The following PHIP variants were observed in gnomAD, a reference collection of about 807,000 sequenced individuals.
PHIP encodes the protein PHIP subunit of CUL4-Ring ligase complex, also known as PH-interacting protein.
Under a neutral mutation model 236.8 loss-of-function variants are expected in PHIP, and 54 were observed. The ratio of observed to expected loss-of-function variants is 0.23; its 90% confidence interval spans 0.18 to 0.29. The LOEUF is 0.29. Among genes scored for constraint, PHIP ranks in the 10% least tolerant of loss-of-function variants. The pLI is 1.00. For synonymous variants in PHIP, 756 were observed against 718.9 expected (o/e 1.05, Z -0.83); for missense variants, 1,370 against 2,190.8 (o/e 0.63, Z 7.48).
chr6:79,069,100 GTTC>G lies in PHIP; in HGVS notation c.190-8285_190-8283del, dbSNP rs1423517207. On this transcript the variant is annotated intron_variant, in intron 4 of 39. Coordinates refer to ENST00000275034, the MANE Select transcript of PHIP (RefSeq NM_017934.7). ...TAAAAGGCCAGTTTATTGGAATATA[GTTC>G]TTATTTGTACACTACTGTAGCATAT... Among the ~76,000 whole-genome samples, 8 of 150,944 alleles carry G rather than the reference GTTC, an allele frequency of 5.3e-5. No homozygotes were observed. In the East Asian group the frequency reaches 7.7e-4, roughly 15 times the overall value.
chr6:78,950,250 A>G (rs1209775221), intron 35 of PHIP, among the ~76,000 whole-genome samples: 1 of 152,212 alleles, frequency 6.6e-6, no homozygotes, highest in Non-Finnish European at 1.5e-5. Context: ...GTCATGGTAT[A>G]AAATCATTTT....
chr6:78,969,046 T>C (rs982450813), intron 27 of PHIP, among the ~76,000 whole-genome samples: 13 of 152,194 alleles, frequency 8.5e-5, no homozygotes, highest in African/African-American at 3.1e-4. Context: ...TCTTGGTTAC[T>C]CCCTTATTTG....
At chr6:78,966,151 G>T in intron 27 of PHIP, 95 bp from the exon 28 acceptor site, 1 of 748,498 alleles carries the variant, frequency 1.3e-6, no homozygotes. Context: ...TAAACTGCCT[G>T]TATGATTTCA....
intron 24 of PHIP, among the ~76,000 whole-genome samples, chr6:78,974,592 GT>G (rs780223119): frequency 6.6e-6 from 1 of 152,050 alleles, no homozygotes; most frequent in African/African-American, 2.4e-5. Context: ...CCAGGAGCTG[GT>G]TTTTTGAAAG....
rs922709074 is a variant in PHIP, at chr6:79,059,806, C to T, written c.439+672G>A. Among the ~76,000 whole-genome samples the T allele has an allele frequency of 2.6e-5, 4 of 151,428 alleles. No homozygotes were observed. The East Asian group carries it at 7.8e-4, about 29-fold the overall frequency. ...TGAAGGTCTCTGAAAATTAGGAGTACACTTAGAGAAAGTACAACACTATTA... is the reference window on the plus strand; with the variant it reads ...TGAAGGTCTCTGAAAATTAGGAGTATACTTAGAGAAAGTACAACACTATTA... On this transcript the variant is annotated intron_variant, in intron 6 of 39. Transcript: ENST00000275034.
chr6:79,017,227 T>TG, intron 12 of PHIP, 119 bp downstream of exon 12: 2 of 594,962 alleles, frequency 3.4e-6, no homozygotes, highest in Non-Finnish European at 5.8e-6. Flanking sequence ...TAAGTATAAC[T>TG]GGTCAAGATC....
At chr6:78,999,564 T>A (rs898592955) in intron 17 of PHIP, among the ~76,000 whole-genome samples, 1 of 152,118 alleles carries the variant, frequency 6.6e-6, no homozygotes, top group Non-Finnish European at 1.5e-5. Flanking sequence ...ATATTCACTC[T>A]TGCTGAATAA....
chr6:79,062,495 T>A (rs1026050701), intron 4 of PHIP, among the ~76,000 whole-genome samples: 1 of 152,222 alleles, frequency 6.6e-6, no homozygotes, highest in Non-Finnish European at 1.5e-5. Flanking sequence ...TAATGTGACT[T>A]AATTGATCAA....
chr6:79,027,750 C>G (rs866675892), intron 7 of PHIP, among the ~76,000 whole-genome samples: 1 of 152,034 alleles, frequency 6.6e-6, no homozygotes, highest in Admixed American at 6.5e-5. Flanking sequence ...TGCAGAGGTA[C>G]GGGGTGGAAA....
chr6:79,068,595 G>A (rs1034322707), intron 4 of PHIP, among the ~76,000 whole-genome samples: 1 of 152,108 alleles, frequency 6.6e-6, no homozygotes, highest in African/African-American at 2.4e-5. Context: ...TGTATGACTG[G>A]TATCACAACA....
chr6:79,075,062 C>G (rs1774080985), intron 4 of PHIP, among the ~76,000 whole-genome samples: 1 of 152,090 alleles, frequency 6.6e-6, no homozygotes, highest in South Asian at 2.1e-4. Context: ...AAATTCAACT[C>G]GATATACAAC....
intron 15 of PHIP, among the ~76,000 whole-genome samples, chr6:79,006,566 T>C (rs1037663392): frequency 1.7e-4 from 26 of 151,908 alleles, no homozygotes; most frequent in Non-Finnish European, 8.8e-5. Context: ...GAAAAGAAAA[T>C]ACCCTCTCTC....
chr6:79,034,376 T>C (rs1368622679), intron 7 of PHIP, among the ~76,000 whole-genome samples: 3 of 152,222 alleles, frequency 2.0e-5, no homozygotes, highest in African/African-American at 7.2e-5. Flanking sequence ...GGCTTTCTAC[T>C]GTTAGGCACT....
In PHIP at chr6:78,998,265, C is replaced by T. The variant is rs767564294; in HGVS notation, c.2006G>A (p.Arg669His). Residue 669 changes from arginine (R) to histidine (H), a missense_variant, in exon 18 of 40, where the codon CGT (arginine) becomes CAT (histidine). Arg to His is a conservative substitution (Grantham distance 29, BLOSUM62 0). Transcript: ENST00000275034. Reference protein sequence around the residue: ...SGEAVISNTSRLSRGSISSTS... With the variant: ...SGEAVISNTSHLSRGSISSTS... Reference sequence around the variant, plus strand: ...GAATACCTGCTTACCTCTACTTAAACGGCTGGTATTACTGATAACTGCTTC... The same window carrying T: ...GAATACCTGCTTACCTCTACTTAAATGGCTGGTATTACTGATAACTGCTTC... 1.5e-5 allele frequency: 24 copies of T among 1,609,240 alleles called. No homozygotes were observed. The highest frequency in any genetic ancestry group is 2.2e-5 in the South Asian group (2 of 90,964).
At position 78,969,865 on chromosome 6, in the gene PHIP, C is replaced by G; in HGVS notation, c.3175G>C (p.Asp1059His). ...IDFLVLRQQF[D>H]DAKYRRWNIG... is the part of the protein sequence containing the mutation. ...TTCCATCGCCTGTATTTTGCATCATCAAATTGTTGTCTCAAGACTAGGAAA... is the reference window on the plus strand; with the variant it reads ...TTCCATCGCCTGTATTTTGCATCATGAAATTGTTGTCTCAAGACTAGGAAA... The change falls in exon 27 of 40, where the codon GAT (aspartate) becomes CAT (histidine). Residue 1059 changes from aspartate to histidine, a missense_variant. Physicochemically the swap from Asp to His is moderately conservative, Grantham distance 81. Transcript: ENST00000275034. 6 of 1,592,724 alleles carry G rather than the reference C, an allele frequency of 3.8e-6. No individual in the cohort carries two copies. The highest frequency in any genetic ancestry group is 5.2e-6 in the Non-Finnish European group (6 of 1,163,698).
intron 25 of PHIP, 136 bp from the exon 26 acceptor site, chr6:78,970,309 A>G: frequency 1.5e-6 from 1 of 669,076 alleles, no homozygotes; most frequent in Non-Finnish European, 2.5e-6. Flanking sequence ...GTAAAAATTC[A>G]CTGAGCTCTG....
chr6:79,043,085 C>A, intron 6 of PHIP, 82 bp from the exon 7 acceptor site: 1 of 1,092,976 alleles, frequency 9.1e-7, no homozygotes, highest in Non-Finnish European at 1.4e-6. Context: ...TCACATACTC[C>A]AATTTGTCAT....
intron 15 of PHIP, among the ~76,000 whole-genome samples, chr6:79,006,095 T>C (rs1377065454): frequency 1.3e-5 from 2 of 152,030 alleles, no homozygotes; most frequent in African/African-American, 2.4e-5. Context: ...AATGAAAGTA[T>C]ATTTCAATCA....
chr6:78,996,442 T>C (rs1372675854), intron 19 of PHIP, among the ~76,000 whole-genome samples: 1 of 152,234 alleles, frequency 6.6e-6, no homozygotes, highest in African/African-American at 2.4e-5. Flanking sequence ...TTCTCCATGT[T>C]ATTTTTCAAT....
Sources: allele counts gnomAD v4.1 joint callset (sites outside exome capture counted in the v4.1 genomes callset), GRCh38; gene constraint gnomAD v4.1.1; transcripts MANE v1.5; gene names NCBI Gene and HGNC (gene_info 2026-07-23, HGNC 2026-07-21).